Variants in RNF212B observed in about 807,000 individuals in gnomAD.
RNF212B encodes E3 ubiquitin-protein ligase RNF212B.
In RNF212B, 52 loss-of-function variants were observed where a neutral mutation model predicts 55.5. That is an observed-to-expected ratio of 0.94 (90% CI 0.75 to 1.18). The LOEUF (loss-of-function observed/expected upper bound fraction) is 1.18. RNF212B is among the 50% of genes most tolerant of loss of function. RNF212B has a pLI of 0.00. For synonymous variants in RNF212B, 99 were observed against 121.4 expected (o/e 0.82, Z 1.21); for missense variants, 289 against 350.4 (o/e 0.82, Z 1.40).
upstream of RNF212B, among the ~76,000 whole-genome samples, chr14:23,237,888 C>T (rs1002385171): frequency 2.0e-5 from 3 of 152,150 alleles, no homozygotes; most frequent in Non-Finnish European, 4.4e-5. Context: ...ATTTAGCATA[C>T]CGCCAGGCCC....
intron 11 of RNF212B, 89 bp from the exon 12 acceptor site, chr14:23,268,835 C>T: frequency 9.1e-7 from 1 of 1,093,548 alleles, no homozygotes. Flanking sequence ...AATCTTTTAT[C>T]TCCATTTCCT....
At chr14:23,241,906 C>T (rs992233748) in intron 2 of RNF212B, among the ~76,000 whole-genome samples, 8 of 150,572 alleles carry the variant, frequency 5.3e-5, no homozygotes, top group African/African-American at 1.9e-4. Context: ...CACGGTGAAA[C>T]CCCATCTCTA....
chr14:23,217,475 T>C (rs1881200723), intron 2 of RNF212B, among the ~76,000 whole-genome samples: 1 of 152,210 alleles, frequency 6.6e-6, no homozygotes, highest in Non-Finnish European at 1.5e-5. Context: ...AGTGCTGTGC[T>C]GGCTTCATGT....
intron 2 of RNF212B, among the ~76,000 whole-genome samples, chr14:23,229,756 G>T (rs1389681437): frequency 1.3e-5 from 2 of 151,970 alleles, no homozygotes; most frequent in African/African-American, 4.8e-5. Context: ...TTGTTGAGTT[G>T]TTCTTTTTTT....
chr14:23,223,291 T>C (rs1429141832), intron 2 of RNF212B, among the ~76,000 whole-genome samples: 4 of 151,736 alleles, frequency 2.6e-5, no homozygotes, highest in Non-Finnish European at 5.9e-5. Context: ...GATACCTCAA[T>C]ATAATAAAAG....
At chr14:23,254,751 G>A (rs778859704) in intron 4 of RNF212B, among the ~76,000 whole-genome samples, 1 of 152,104 alleles carries the variant, frequency 6.6e-6, no homozygotes, top group Non-Finnish European at 1.5e-5. Context: ...GGACCAAAAC[G>A]TCTTGTCTTA....
intron 2 of RNF212B, among the ~76,000 whole-genome samples, chr14:23,229,513 T>C (rs920405275): frequency 6.6e-5 from 10 of 151,980 alleles, no homozygotes; most frequent in African/African-American, 2.4e-4. Context: ...ATCAGCAATG[T>C]ACAAGGGTTC....
chr14:23,234,449 C>G (rs936555753), upstream of RNF212B, among the ~76,000 whole-genome samples: 1 of 151,988 alleles, frequency 6.6e-6, no homozygotes, highest in East Asian at 1.9e-4. Flanking sequence ...TCGTCTGGTA[C>G]CTGTCTGTTT....
Position 23,240,454 on chromosome 14 carries a change from C to G in RNF212B, c.100+9C>G. 3.9e-6 allele frequency: 6 copies of G among 1,523,522 alleles called. No individual in the cohort carries two copies. Among genetic ancestry groups the G allele is most frequent in the Non-Finnish European group, 5.3e-6 (6 of 1,123,184 alleles). The allele number at this position is 1,523,522 out of a possible 1,614,324, so 94.4% of individuals were successfully genotyped here. On this transcript the variant is annotated intron_variant, in intron 2 of 14. Transcript: ENST00000430154. ...AAAGTGTGTGACTCTGGGTGAGTGA[C>G]TCAACTGTTTTCAGATTCAGGGAAA...
chr14:23,221,259 C>T (rs73602407), intron 2 of RNF212B, among the ~76,000 whole-genome samples: 6,716 of 149,314 alleles, frequency 0.045, 540 homozygotes, highest in African/African-American at 0.16. Flanking sequence ...GAAAGAAACA[C>T]GCTTCACTTA....
intron 4 of RNF212B, 146 bp downstream of exon 4, chr14:23,244,542 C>T (rs1883852928): frequency 7.1e-6 from 4 of 560,108 alleles, no homozygotes; most frequent in Middle Eastern, 4.5e-4. Context: ...CTTGATGATA[C>T]AAATTTCAAT....
intron 2 of RNF212B, among the ~76,000 whole-genome samples, chr14:23,195,821 A>G (rs1878603189): frequency 6.6e-6 from 1 of 152,186 alleles, no homozygotes; most frequent in African/African-American, 2.4e-5. Context: ...TTAACCTTCC[A>G]AACAACCTTT....
intron 7 of RNF212B, 77 bp downstream of exon 7, chr14:23,260,764 T>C (rs1462553860): frequency 1.6e-6 from 2 of 1,271,052 alleles, no homozygotes; most frequent in Non-Finnish European, 2.2e-6. Flanking sequence ...CTGTGTGAAC[T>C]CTGAGAGAGA....
At chr14:23,191,865 T>G (rs931996930) in intron 1 of RNF212B, among the ~76,000 whole-genome samples, 34 of 152,360 alleles carry the variant, frequency 2.2e-4, no homozygotes, top group African/African-American at 8.2e-4. Flanking sequence ...TATTCGATAT[T>G]CATTGTATAT....
chr14:23,185,804 A>G (rs917139023), intron 1 of RNF212B, among the ~76,000 whole-genome samples: 2 of 152,178 alleles, frequency 1.3e-5, no homozygotes, highest in African/African-American at 4.8e-5. Context: ...GTGCGATGTA[A>G]TATCTAGGAA....
intron 2 of RNF212B, among the ~76,000 whole-genome samples, chr14:23,221,401 C>G (rs574340208): frequency 6.6e-6 from 1 of 152,200 alleles, no homozygotes; most frequent in East Asian, 1.9e-4. Context: ...GAGACAAAGT[C>G]ATTCTATAAT....
In RNF212B at chr14:23,211,070, T is replaced by C. The variant is rs149083474; in HGVS notation, c.-2+17669T>C. ...CCGTCTCTACTGAAAATAAAAAAAT[T>C]AGCTGGTCGTGATGGCGTACGCCTG... On this transcript the variant is annotated intron_variant, in intron 2 of 15. Transcript: ENST00000399910. 1.6e-3 allele frequency among the ~76,000 whole-genome samples: 249 copies of C among 151,974 alleles called. 2 individuals are homozygous for C. The highest frequency in any genetic ancestry group is 5.5e-3 in the African/African-American group (228 of 41,466).
chr14:23,262,998 G>T (rs770140087), intron 9 of RNF212B, 28 bp downstream of exon 9: 3 of 1,537,130 alleles, frequency 2.0e-6, no homozygotes, highest in African/African-American at 1.4e-5. Context: ...CATTAAAACT[G>T]TTGGCAAAAG....
intron 11 of RNF212B, among the ~76,000 whole-genome samples, chr14:23,266,549 T>C (rs1885719736): frequency 6.6e-6 from 1 of 151,378 alleles, no homozygotes; most frequent in African/African-American, 2.4e-5. Flanking sequence ...GTAGCTGGGA[T>C]TACAGGCATG....
Sources: allele counts gnomAD v4.1 joint callset (sites outside exome capture counted in the v4.1 genomes callset), GRCh38; gene constraint gnomAD v4.1.1; transcripts MANE v1.5; gene names NCBI Gene and HGNC (gene_info 2026-07-23, HGNC 2026-07-21).